The following KDM5A variants were observed in gnomAD, a reference collection of about 807,000 sequenced individuals.
KDM5A encodes the protein lysine-specific demethylase 5A.
A neutral mutation model predicts 193.5 loss-of-function variants in KDM5A; 42 were observed. That is an observed-to-expected ratio of 0.22 (90% CI 0.17 to 0.28). KDM5A has a LOEUF of 0.28. KDM5A is among the 10% of genes least tolerant of loss of function. The pLI is 1.00. For missense variants in KDM5A, 1,692 were observed against 2,055.1 expected, an observed-to-expected ratio of 0.82 and a Z score of 3.42; for synonymous variants, 796 against 718.1, an observed-to-expected ratio of 1.11 and a Z score of -1.73.
chr12:337,058 T>G (rs1943943613), intron 10 of KDM5A, among the ~76,000 whole-genome samples: 1 of 152,088 alleles, frequency 6.6e-6, no homozygotes, highest in African/African-American at 2.4e-5. Context: ...GTGGGCAGAT[T>G]TCCCCCTTGC....
chr12:383,915 G>C (rs1010029495), intron 3 of KDM5A, 116 bp downstream of exon 3: 4 of 1,124,478 alleles, frequency 3.6e-6, no homozygotes, highest in Non-Finnish European at 5.3e-6. Flanking sequence ...TACCCAGCTA[G>C]TGCATTTCAT....
At chr12:358,684 T>TTG (rs755010497) in intron 5 of KDM5A, among the ~76,000 whole-genome samples, 45 of 152,038 alleles carry the variant, frequency 3.0e-4, no homozygotes, top group Non-Finnish European at 5.6e-4. Context: ...ACTTAAAAAA[T>TTG]AACAAAGGCC....
chr12:341,945 T>C (rs542976406), intron 10 of KDM5A, among the ~76,000 whole-genome samples: 1 of 145,312 alleles, frequency 6.9e-6, no homozygotes, highest in African/African-American at 2.5e-5. Context: ...AAAAAAGACA[T>C]GGGACACAGA....
intron 20 of KDM5A, 90 bp downstream of exon 20, chr12:312,966 T>A (rs1943607341): frequency 1.7e-5 from 23 of 1,369,070 alleles, no homozygotes; most frequent in Non-Finnish European, 2.4e-5. Flanking sequence ...TGTATTATGA[T>A]TATTCTATTC....
chr12:364,930 G>A (rs1394827431), intron 4 of KDM5A, among the ~76,000 whole-genome samples: 2 of 152,098 alleles, frequency 1.3e-5, no homozygotes, highest in Non-Finnish European at 2.9e-5. Flanking sequence ...ATTCATAATA[G>A]CCATAAACTG....
At chr12:381,100 T>C (rs956599437) in intron 3 of KDM5A, among the ~76,000 whole-genome samples, 1 of 152,142 alleles carries the variant, frequency 6.6e-6, no homozygotes, top group African/African-American at 2.4e-5. Context: ...GTTCAAGCAA[T>C]TCTCCTGCCT....
intron 6 of KDM5A, among the ~76,000 whole-genome samples, chr12:355,834 A>G (rs916583441): frequency 3.3e-5 from 5 of 152,224 alleles, no homozygotes; most frequent in Admixed American, 3.3e-4. Flanking sequence ...GTTCTCATAT[A>G]GTCAAAACAT....
intron 3 of KDM5A, among the ~76,000 whole-genome samples, chr12:369,446 G>GTGTCC (rs1375065043): frequency 2.0e-5 from 3 of 152,070 alleles, no homozygotes; most frequent in African/African-American, 2.4e-5. Context: ...TTCTAGTGGA[G>GTGTCC]GAAGACAGAC....
rs3038312 is a variant in KDM5A, at chr12:305,969, G to GTTTTTT, written c.4074+971_4074+976dup. On this transcript the variant is annotated intron_variant, in intron 24 of 27. Transcript: ENST00000399788. Reference sequence around the variant, plus strand: ...AGCAAAAGACTCTAGCAATGGAAGTGTTTTTTTTTTTTTTTTTTTTTTGAG... The same window carrying GTTTTTT: ...AGCAAAAGACTCTAGCAATGGAAGTGTTTTTTTTTTTTTTTTTTTTTTTTTTTTGAG... Among the ~76,000 whole-genome samples the GTTTTTT allele has an allele frequency of 6.3e-3, 653 of 104,146 alleles. 12 individuals are homozygous for GTTTTTT. The highest frequency in any genetic ancestry group is 0.011 in the East Asian group (33 of 3,130). 68.3% of individuals were successfully genotyped at this position (104,146 alleles called of 152,430 possible).
At chr12:313,321 C>T (rs1943612578) in intron 19 of KDM5A, 127 bp from the exon 20 acceptor site, 2 of 1,021,548 alleles carry the variant, frequency 2.0e-6, no homozygotes, top group Admixed American at 3.9e-5. Context: ...ATAAGGGAGG[C>T]AAAGCAGCTA....
At chr12:368,560 G>A (rs538912216) in intron 3 of KDM5A, among the ~76,000 whole-genome samples, 2 of 151,990 alleles carry the variant, frequency 1.3e-5, no homozygotes, top group African/African-American at 2.4e-5. Flanking sequence ...GTGAAACTCC[G>A]TCTCAACTAA....
At chr12:313,335 T>C (rs1372538833) in intron 19 of KDM5A, 141 bp from the exon 20 acceptor site, 13 of 879,912 alleles carry the variant, frequency 1.5e-5, no homozygotes, top group Non-Finnish European at 5.5e-6. Flanking sequence ...GCAGCTAGTA[T>C]CTTTCTTTTC....
At chr12:360,930 C>G (rs1944286683) in intron 5 of KDM5A, among the ~76,000 whole-genome samples, 1 of 152,164 alleles carries the variant, frequency 6.6e-6, no homozygotes, top group South Asian at 2.1e-4. Flanking sequence ...GAAAGGTACA[C>G]TTTGCCCACA....
chr12:328,780 T>C (rs1345823004), intron 14 of KDM5A, 55 bp downstream of exon 14: 2 of 1,522,846 alleles, frequency 1.3e-6, no homozygotes, highest in Non-Finnish European at 1.8e-6. Flanking sequence ...TATAGGTTTA[T>C]TTAGCATATC....
chr12:359,807 G>C (rs1422870707), intron 5 of KDM5A, among the ~76,000 whole-genome samples: 1 of 143,742 alleles, frequency 7.0e-6, no homozygotes, highest in African/African-American at 2.6e-5. Flanking sequence ...AGAAGGGAGG[G>C]AGGGAGAAGG....
intron 16 of KDM5A, 24 bp from the exon 17 acceptor site, chr12:322,591 C>T: frequency 1.3e-6 from 2 of 1,599,946 alleles, no homozygotes; most frequent in Non-Finnish European, 1.7e-6. Flanking sequence ...AATAAAGAGC[C>T]ATATACAATA....
Position 281,789 on chromosome 12 carries a change from G to T in KDM5A, c.*3667C>A, listed in dbSNP as rs193209815. 5.2e-4 allele frequency: 123 copies of T among 235,264 alleles called. No homozygotes were observed. Among genetic ancestry groups the T allele is most frequent in the Non-Finnish European group, 9.2e-4 (109 of 119,068 alleles). 14.6% of individuals were successfully genotyped at this position (235,264 alleles called of 1,614,324 possible). On this transcript the variant is annotated 3_prime_UTR_variant, in exon 28 of 28. Coordinates refer to ENST00000399788, the MANE Select transcript of KDM5A (RefSeq NM_001042603.3). Reference sequence around the variant, plus strand: ...CAGTTTTTCTGTTCATCCTCCTACTGTAAGTACTGGCTGATATTCACACAC... The same window carrying T: ...CAGTTTTTCTGTTCATCCTCCTACTTTAAGTACTGGCTGATATTCACACAC...
At chr12:321,841 C>A (rs1943721042) in intron 17 of KDM5A, among the ~76,000 whole-genome samples, 1 of 151,948 alleles carries the variant, frequency 6.6e-6, no homozygotes. Flanking sequence ...ATTTATTGCA[C>A]AACTGTGTGC....
At chr12:343,565 G>A (rs1565540148) in intron 10 of KDM5A, among the ~76,000 whole-genome samples, 2 of 152,172 alleles carry the variant, frequency 1.3e-5, no homozygotes, top group Non-Finnish European at 2.9e-5. Context: ...TCCACAGGAA[G>A]CATCAAGCAG....
Sources: allele counts gnomAD v4.1 joint callset (sites outside exome capture counted in the v4.1 genomes callset), GRCh38; gene constraint gnomAD v4.1.1; transcripts MANE v1.5; gene names NCBI Gene and HGNC (gene_info 2026-07-23, HGNC 2026-07-21).